Variants in DMD observed in about 807,000 individuals in gnomAD.
The protein encoded by DMD is dystrophin, also known as mutant dystrophin.
Under a neutral mutation model 330.1 loss-of-function variants are expected in DMD, and 63 were observed. The observed-to-expected ratio is 0.19, with a 90% CI of 0.16 to 0.24. The LOEUF (loss-of-function observed/expected upper bound fraction) is 0.24. Ranked by LOEUF, DMD falls within the 10% of genes least tolerant of loss-of-function variation. The pLI is 1.00. For missense variants in DMD, 3,344 were observed against 2,684.1 expected (o/e 1.25, Z -5.43); for synonymous variants, 1,223 against 959.8 (o/e 1.27, Z -5.07).
At chrX:32,563,102 A>G (rs897530419) in intron 16 of DMD, among the ~76,000 whole-genome samples, 3 of 110,583 alleles carry the variant, frequency 2.7e-5, no homozygotes, top group Non-Finnish European at 5.7e-5. Context: ...GCACTTTGGG[A>G]GGCCGAAGTG....
At chrX:32,560,585 G>A (rs1392506911) in intron 16 of DMD, among the ~76,000 whole-genome samples, 2 of 110,632 alleles carry the variant, frequency 1.8e-5, no homozygotes, top group African/African-American at 3.3e-5. Context: ...TTTTCCTGAT[G>A]CTCTCCTCCT....
At chrX:31,590,776 T>C (rs72625596) in intron 55 of DMD, among the ~76,000 whole-genome samples, 1,942 of 111,454 alleles carry the variant, frequency 0.017, 21 homozygotes, top group East Asian at 0.038. Flanking sequence ...TTACAGAGTG[T>C]TCTGTAAAAA....
In DMD at chrX:31,121,822, T is replaced by C. The variant is rs1377876858; in HGVS notation, c.*97A>G. 8.9e-7 allele frequency: 1 copy of C among 1,121,623 alleles called. No homozygotes were observed. Among genetic ancestry groups the C allele is most frequent in the East Asian group, 3.0e-5 (1 of 33,467 alleles). The allele number at this position is 1,121,623 out of a possible 1,213,427, so 92.4% of individuals were successfully genotyped here. The stretch of plus-strand genomic sequence containing the variant: ...ATAAAAACCATGCGGGAATCAGGAG[T>C]TGTAAAACATTTATTCTGCTCCTTC... On this transcript the variant is annotated 3_prime_UTR_variant, in exon 79 of 79. Coordinates refer to ENST00000357033, the MANE Select transcript of DMD (RefSeq NM_004006.3).
At chrX:32,913,177 C>T (rs1261231335) in intron 2 of DMD, among the ~76,000 whole-genome samples, 2 of 111,172 alleles carry the variant, frequency 1.8e-5, no homozygotes, top group Non-Finnish European at 3.8e-5. Flanking sequence ...TTAAAAGTGG[C>T]CCCTGGTAAC....
intron 1 of DMD, among the ~76,000 whole-genome samples, chrX:33,258,442 A>T (rs2052894952): frequency 8.9e-6 from 1 of 111,733 alleles, no homozygotes; most frequent in Admixed American, 9.5e-5. Context: ...TTCTGCTACT[A>T]CAAATAGTTT....
chrX:31,153,084 G>C (rs16989399), intron 74 of DMD, among the ~76,000 whole-genome samples: 8,184 of 111,315 alleles, frequency 0.074, 639 homozygotes, highest in African/African-American at 0.24. Flanking sequence ...TTAGAGTTTA[G>C]AGCCACATCT....
At chrX:31,591,593 A>T (rs1337172143) in intron 55 of DMD, among the ~76,000 whole-genome samples, 1 of 111,663 alleles carries the variant, frequency 9.0e-6, no homozygotes, top group Non-Finnish European at 1.9e-5. Context: ...GCCAATTTAG[A>T]AATGTAATAA....
intron 44 of DMD, among the ~76,000 whole-genome samples, chrX:32,096,308 G>C (rs1480469525): frequency 9.0e-6 from 1 of 111,355 alleles, no homozygotes; most frequent in Admixed American, 9.6e-5. Flanking sequence ...TTTGACTCCA[G>C]AGCCCCTGCA....
intron 15 of DMD, among the ~76,000 whole-genome samples, chrX:32,567,843 C>G: frequency 8.9e-6 from 1 of 111,919 alleles, no homozygotes; most frequent in Non-Finnish European, 1.9e-5. Flanking sequence ...AATGTATATT[C>G]CTCCAGTTAT....
Position 32,216,940 on chromosome X carries a change from A to G in DMD, c.6414T>C (p.His2138=), listed in dbSNP as rs753999355. ...RKTQIPENWE[H]AKYKWYLKEL... ...CCTTAAGATACCATTTGTATTTAGC[A>G]TGTTCCCAATTCTCAGGAATTTGTG... Residue 2138 remains histidine, a synonymous_variant, in exon 44 of 79, where the codon CAT becomes CAC. Coordinates refer to ENST00000357033, the MANE Select transcript of DMD (RefSeq NM_004006.3). 2.0e-5 allele frequency: 24 copies of G among 1,208,488 alleles called. No individual in the cohort carries two copies. In the Admixed American group the frequency reaches 5.2e-4, roughly 26 times the overall value.
intron 7 of DMD, among the ~76,000 whole-genome samples, chrX:32,799,258 AT>A (rs748612887): frequency 9.0e-6 from 1 of 111,375 alleles, no homozygotes; most frequent in East Asian, 2.8e-4. Context: ...GGAAGTCAAA[AT>A]AAAGGGGATT....
intron 60 of DMD, among the ~76,000 whole-genome samples, chrX:31,380,996 C>T (rs189051617): frequency 9.0e-6 from 1 of 111,703 alleles, no homozygotes; most frequent in Admixed American, 9.6e-5. Flanking sequence ...ATCTCCCAAA[C>T]CCCAATCCCT....
intron 51 of DMD, among the ~76,000 whole-genome samples, chrX:31,755,097 AGGCCAGTCTCCTGGGGTGG>A (rs1196564647): frequency 1.8e-5 from 2 of 109,149 alleles, no homozygotes; most frequent in Non-Finnish European, 3.8e-5. Context: ...TTAATCAGAA[AGGCCAGTCTCCTGGGGTGG>A]GTTCTACCAG....
In DMD at chrX:33,051,838, G is replaced by A. The variant is rs1010602022; in HGVS notation, c.32-31638C>T. Reference sequence around the variant, plus strand: ...TAATTTTTGTATTTTTAGTAGAGACGGGGTTTTACCATGTTGGCCAGGCCA... The same window carrying A: ...TAATTTTTGTATTTTTAGTAGAGACAGGGTTTTACCATGTTGGCCAGGCCA... On this transcript the variant is annotated intron_variant, in intron 1 of 78. Transcript: ENST00000357033. 2.6e-4 allele frequency among the ~76,000 whole-genome samples: 28 copies of A among 108,538 alleles called. 1 individual carries two copies. The highest frequency in any genetic ancestry group is 7.6e-5 in the Non-Finnish European group (4 of 52,470). 94.3% of individuals were successfully genotyped at this position (108,538 alleles called of 115,157 possible). A position where few individuals can be genotyped will look rare whatever the true frequency, so the allele number is the denominator to read the frequency against.
chrX:32,719,999 C>T (rs1266343055), intron 7 of DMD, among the ~76,000 whole-genome samples: 1 of 109,601 alleles, frequency 9.1e-6, no homozygotes, highest in Non-Finnish European at 1.9e-5. Context: ...CACACACACA[C>T]GTTTTAATAT....
chrX:31,671,277 T>C (rs914692119), intron 53 of DMD, among the ~76,000 whole-genome samples: 1 of 112,385 alleles, frequency 8.9e-6, no homozygotes, highest in African/African-American at 3.2e-5. Context: ...TTTTGTACTT[T>C]GTCACATGAA....
At chrX:32,444,237 T>C (rs2098294334) in intron 27 of DMD, among the ~76,000 whole-genome samples, 2 of 110,129 alleles carry the variant, frequency 1.8e-5, no homozygotes, top group South Asian at 7.6e-4. Flanking sequence ...TGTTGGGGGA[T>C]TTTGGGCTGA....
intron 7 of DMD, among the ~76,000 whole-genome samples, chrX:32,719,436 T>G (rs2066042243): frequency 9.0e-6 from 1 of 111,667 alleles, no homozygotes; most frequent in Non-Finnish European, 1.9e-5. Context: ...AGATGAAATT[T>G]TCAGTAAAGT....
chrX:33,046,630 T>C (rs1025497109), intron 1 of DMD, among the ~76,000 whole-genome samples: 6 of 112,211 alleles, frequency 5.3e-5, no homozygotes, highest in Admixed American at 9.5e-5. Flanking sequence ...TTCTCCTGAT[T>C]GTAAATATCA....
Sources: allele counts gnomAD v4.1 joint callset (sites outside exome capture counted in the v4.1 genomes callset), GRCh38; gene constraint gnomAD v4.1.1; transcripts MANE v1.5; gene names NCBI Gene and HGNC (gene_info 2026-07-23, HGNC 2026-07-21).